The following SORBS2 variants were observed in gnomAD, a reference collection of about 807,000 sequenced individuals.
SORBS2 encodes sorbin and SH3 domain-containing protein 2.
SORBS2 carries 46 observed loss-of-function variants against 97.7 expected under a neutral mutation model. The observed-to-expected ratio is 0.47, with a 90% confidence interval of 0.37 to 0.60. The LOEUF is 0.60. SORBS2 is among the 20% of genes least tolerant of loss of function. The pLI is 0.00. For missense variants in SORBS2, 1,316 were observed against 1,282.3 expected (o/e 1.03, Z -0.40); for synonymous variants, 476 against 473.4 (o/e 1.01, Z -0.07).
intron 1 of SORBS2, among the ~76,000 whole-genome samples, chr4:185,899,211 G>A (rs974016906): frequency 2.6e-5 from 4 of 152,046 alleles, no homozygotes; most frequent in Non-Finnish European, 4.4e-5. Context: ...CACCAGGTCC[G>A]GTCTAGATAA....
At chr4:185,891,570 G>A (rs991414128) in intron 1 of SORBS2, among the ~76,000 whole-genome samples, 7 of 152,114 alleles carry the variant, frequency 4.6e-5, no homozygotes, top group African/African-American at 1.4e-4. Flanking sequence ...GTCTTTTCAG[G>A]TTTTTGCACT....
At chr4:185,950,888 A>G (rs1053806899) in intron 1 of SORBS2, among the ~76,000 whole-genome samples, 1 of 152,178 alleles carries the variant, frequency 6.6e-6, no homozygotes, top group Non-Finnish European at 1.5e-5. Context: ...TAGGGTTCCC[A>G]GATGGTTCCA....
chr4:185,942,500 A>G (rs1022127067), intron 1 of SORBS2, among the ~76,000 whole-genome samples: 23 of 151,982 alleles, frequency 1.5e-4, no homozygotes, highest in South Asian at 4.2e-4. Flanking sequence ...ACAGGTGCCC[A>G]CCACCATGCC....
upstream of SORBS2, among the ~76,000 whole-genome samples, chr4:185,661,866 C>T (rs569152439): frequency 6.6e-6 from 1 of 152,278 alleles, no homozygotes; most frequent in Admixed American, 6.5e-5. Context: ...TCTTTCTACT[C>T]CACCACCTCA....
intron 1 of SORBS2, among the ~76,000 whole-genome samples, chr4:185,927,494 G>A (rs2099264340): frequency 6.9e-6 from 1 of 145,626 alleles, no homozygotes; most frequent in African/African-American, 2.5e-5. Context: ...GTCCATGTAT[G>A]CTCATTGTTC....
At chr4:185,688,397 GAT>G (rs897130890) in intron 2 of SORBS2, among the ~76,000 whole-genome samples, 5 of 150,862 alleles carry the variant, frequency 3.3e-5, no homozygotes, top group East Asian at 1.9e-4. Flanking sequence ...AATGAATATT[GAT>G]ATATATATCA....
At chr4:185,779,132 T>C (rs2099014944) in intron 1 of SORBS2, among the ~76,000 whole-genome samples, 1 of 152,246 alleles carries the variant, frequency 6.6e-6, no homozygotes, top group South Asian at 2.1e-4. Context: ...TCTGCAGCTT[T>C]GCTTCTCACT....
intron 1 of SORBS2, among the ~76,000 whole-genome samples, chr4:185,782,131 GA>G (rs2099034328): frequency 6.6e-6 from 1 of 152,236 alleles, no homozygotes; most frequent in South Asian, 2.1e-4. Context: ...AGCAACACAA[GA>G]GTACATTTTT....
chr4:185,644,662 A>T (rs982750364), intron 4 of SORBS2, among the ~76,000 whole-genome samples: 1 of 152,192 alleles, frequency 6.6e-6, no homozygotes. Context: ...TGTCTGCTTA[A>T]TAGGGCTGCT....
At chr4:185,850,880 T>C (rs1199161182) in intron 1 of SORBS2, among the ~76,000 whole-genome samples, 3 of 152,178 alleles carry the variant, frequency 2.0e-5, no homozygotes, top group Admixed American at 6.6e-5. Context: ...ATCTCATCTG[T>C]TGAGGGCCTG....
At chr4:185,895,039 C>T (rs1179229670) in intron 1 of SORBS2, among the ~76,000 whole-genome samples, 2 of 152,224 alleles carry the variant, frequency 1.3e-5, no homozygotes, top group East Asian at 3.9e-4. Flanking sequence ...TGGCTTTGCA[C>T]ACTTACTTTA....
chr4:185,612,622 G>A (rs1459363776), intron 11 of SORBS2, among the ~76,000 whole-genome samples: 1 of 151,580 alleles, frequency 6.6e-6, no homozygotes, highest in Non-Finnish European at 1.5e-5. Flanking sequence ...CCAAGTAGCT[G>A]GGATTACAGG....
At chr4:185,725,430 C>A (rs1206066343) in intron 2 of SORBS2, among the ~76,000 whole-genome samples, 1 of 152,186 alleles carries the variant, frequency 6.6e-6, no homozygotes, top group Admixed American at 6.5e-5. Flanking sequence ...AACATACTTG[C>A]CGTCTAATTT....
intron 6 of SORBS2, among the ~76,000 whole-genome samples, chr4:185,625,748 T>A (rs911228080): frequency 6.6e-6 from 1 of 152,226 alleles, no homozygotes; most frequent in Non-Finnish European, 1.5e-5. Flanking sequence ...AACCATCAGC[T>A]GATATCACAG....
chr4:185,664,045 G>A (rs1198944692), intron 4 of SORBS2, among the ~76,000 whole-genome samples: 2 of 151,272 alleles, frequency 1.3e-5, no homozygotes, highest in Non-Finnish European at 3.0e-5. Context: ...TAGTAGAGAC[G>A]GGGTTTCACC....
At chr4:185,673,546 C>A (rs1391695201) in intron 4 of SORBS2, among the ~76,000 whole-genome samples, 1 of 152,136 alleles carries the variant, frequency 6.6e-6, no homozygotes, top group Non-Finnish European at 1.5e-5. Context: ...ATGATGATGA[C>A]AGCTACTGTA....
At chr4:185,672,883 G>A (rs2097734126) in intron 4 of SORBS2, among the ~76,000 whole-genome samples, 1 of 152,100 alleles carries the variant, frequency 6.6e-6, no homozygotes, top group Non-Finnish European at 1.5e-5. Context: ...AAAATGGAAA[G>A]GTCACCATTG....
intron 1 of SORBS2, chr4:185,918,198 T>C (rs2099259237): frequency 6.6e-6 from 1 of 152,240 alleles, no homozygotes; most frequent in African/African-American, 2.4e-5. Context: ...TTTCTTTGAA[T>C]GTAAAAAATC....
At chr4:185,924,675 A>G (rs2099262662) in intron 1 of SORBS2, among the ~76,000 whole-genome samples, 1 of 152,196 alleles carries the variant, frequency 6.6e-6, no homozygotes, top group African/African-American at 2.4e-5. Context: ...TATGTGAATG[A>G]CATGCCTGGT....
Sources: gnomAD v4.1 joint callset for allele counts (sites outside exome capture counted in the v4.1 genomes callset) on GRCh38, gnomAD v4.1.1 for gene constraint, MANE v1.5 for transcripts, NCBI Gene and HGNC (gene_info 2026-07-23, HGNC 2026-07-21) for gene names.